RALYL: variants seen among roughly 807,000 people sequenced by gnomAD.
RALYL encodes the protein RNA-binding Raly-like protein.
In RALYL, 29 loss-of-function variants were observed where a neutral mutation model predicts 35.1. That is an observed-to-expected ratio of 0.83 (90% CI 0.61 to 1.13). The LOEUF (loss-of-function observed/expected upper bound fraction) is 1.13. Among genes scored for constraint, RALYL ranks in the 50% most tolerant of loss-of-function variants. The pLI is 0.00. For synonymous variants in RALYL, 120 were observed against 127.6 expected, an observed-to-expected ratio of 0.94 and a Z score of 0.40; for missense variants, 359 against 360.4, an observed-to-expected ratio of 1.00 and a Z score of 0.03.
At chr8:84,766,135 G>A (rs761389348) in intron 2 of RALYL, among the ~76,000 whole-genome samples, 8 of 152,002 alleles carry the variant, frequency 5.3e-5, no homozygotes, top group South Asian at 4.1e-4. Context: ...TGAATCCATG[G>A]CAAATAAATA....
Position 84,907,389 on chromosome 8 carries a change from C to T in RALYL, c.859-13505C>T, listed in dbSNP as rs373042310. Among the ~76,000 whole-genome samples, 13 of 151,886 alleles carry T rather than the reference C, an allele frequency of 8.6e-5. No individual in the cohort carries two copies. The East Asian group carries it at 1.2e-3, about 14-fold the overall frequency. The stretch of plus-strand genomic sequence containing the variant: ...AGAGGATTTTTATTTTATTCCAAGT[C>T]AGGAAGAAACGGAAAGAAAACAATA... On this transcript the variant is annotated intron_variant, in intron 8 of 8. Coordinates refer to ENST00000521268, the MANE Select transcript of RALYL (RefSeq NM_173848.7).
chr8:84,707,266 A>G (rs1210545085), intron 2 of RALYL, among the ~76,000 whole-genome samples: 1 of 152,190 alleles, frequency 6.6e-6, no homozygotes, highest in African/African-American at 2.4e-5. Context: ...AATATATGAT[A>G]ACTGCTACTT....
At chr8:84,426,473 T>TGTGTGGGGGGG (rs781271546) in intron 1 of RALYL, among the ~76,000 whole-genome samples, 3 of 149,030 alleles carry the variant, frequency 2.0e-5, no homozygotes, top group Non-Finnish European at 4.5e-5. Flanking sequence ...TGTGTGTGTG[T>TGTGTGGGGGGG]GGGTTTAGAT....
chr8:84,485,422 A>G (rs1437769792), intron 1 of RALYL, among the ~76,000 whole-genome samples: 1 of 152,126 alleles, frequency 6.6e-6, no homozygotes, highest in Non-Finnish European at 1.5e-5. Flanking sequence ...TCTATTAAAA[A>G]TGTGAAAATT....
chr8:84,719,095 T>C lies in RALYL; in HGVS notation c.257-55484T>C, dbSNP rs530794335. Among the ~76,000 whole-genome samples the C allele has an allele frequency of 8.1e-4, 124 of 152,292 alleles. 1 individual carries two copies. In the South Asian group the frequency reaches 0.024, roughly 30 times the overall value. ...CTGCTGGTGGCTGGTAGAGTTTATCTTTGTTATGGATTCCTCTGTAACCTG... is the reference window on the plus strand; with the variant it reads ...CTGCTGGTGGCTGGTAGAGTTTATCCTTGTTATGGATTCCTCTGTAACCTG... On this transcript the variant is annotated intron_variant, in intron 2 of 8. Transcript: ENST00000521268.
chr8:84,340,526 C>T (rs997537533), intron 1 of RALYL, among the ~76,000 whole-genome samples: 3 of 152,002 alleles, frequency 2.0e-5, no homozygotes, highest in Non-Finnish European at 4.4e-5. Context: ...TAAGTGGAAC[C>T]ATGCAGTATC....
intron 2 of RALYL, among the ~76,000 whole-genome samples, chr8:84,702,796 A>G (rs553083898): frequency 9.7e-4 from 147 of 152,262 alleles, no homozygotes; most frequent in African/African-American, 3.5e-3. Context: ...TTGATTTTTA[A>G]TGAGAATTAA....
chr8:84,191,720 TGA>T (rs1244800836), intron 1 of RALYL, among the ~76,000 whole-genome samples: 4 of 152,182 alleles, frequency 2.6e-5, no homozygotes, highest in African/African-American at 7.2e-5. Flanking sequence ...TTGTAAACGT[TGA>T]GTAAAGTAAA....
intron 1 of RALYL, among the ~76,000 whole-genome samples, chr8:84,219,148 T>C (rs1417893926): frequency 1.3e-5 from 2 of 152,068 alleles, no homozygotes; most frequent in African/African-American, 4.8e-5. Flanking sequence ...CCCACCCAAA[T>C]TTCATCTTGA....
Position 84,667,511 on chromosome 8 carries a change from G to T in RALYL, c.257-107068G>T, listed in dbSNP as rs372499804. On this transcript the variant is annotated intron_variant, in intron 2 of 8. Transcript: ENST00000521268. ...TGGGTATAGGAAAATCAAGATAAAG[G>T]CTTGCTTCTTTATCAGTTTTCAAAA... Among the ~76,000 whole-genome samples the T allele has an allele frequency of 2.0e-5, 3 of 152,194 alleles. No homozygotes were observed. In the East Asian group the frequency reaches 5.8e-4, roughly 29 times the overall value.
intron 1 of RALYL, among the ~76,000 whole-genome samples, chr8:84,353,337 T>C (rs1370977247): frequency 6.6e-6 from 1 of 150,386 alleles, no homozygotes; most frequent in Non-Finnish European, 1.5e-5. Context: ...ACTTTCCATC[T>C]CCTACTAGCT....
At chr8:84,203,411 A>T (rs1817366614) in intron 1 of RALYL, among the ~76,000 whole-genome samples, 1 of 151,936 alleles carries the variant, frequency 6.6e-6, no homozygotes, top group Non-Finnish European at 1.5e-5. Context: ...CTTTTATTTA[A>T]TTTACCCATG....
intron 1 of RALYL, among the ~76,000 whole-genome samples, chr8:84,353,714 C>A (rs1318838556): frequency 6.7e-6 from 1 of 150,178 alleles, no homozygotes; most frequent in South Asian, 2.1e-4. Flanking sequence ...TTTTAACCAC[C>A]TAAAAAGGGT....
intron 2 of RALYL, among the ~76,000 whole-genome samples, chr8:84,658,801 T>C (rs1830394235): frequency 6.6e-6 from 1 of 152,066 alleles, no homozygotes; most frequent in South Asian, 2.1e-4. Flanking sequence ...AGGGGACGTA[T>C]TGAAAGAGGA....
At chr8:84,442,544 A>C (rs1282498424) in intron 1 of RALYL, among the ~76,000 whole-genome samples, 1 of 152,140 alleles carries the variant, frequency 6.6e-6, no homozygotes, top group East Asian at 1.9e-4. Flanking sequence ...AGGTGCTTAC[A>C]GTCAAAGATG....
intron 2 of RALYL, among the ~76,000 whole-genome samples, chr8:84,618,768 C>T (rs1389608860): frequency 8.7e-5 from 5 of 57,422 alleles, no homozygotes; most frequent in African/African-American, 2.1e-4. Context: ...GCTTTGAATG[C>T]GTCCCAGAGA....
At position 84,623,754 on chromosome 8, in the gene RALYL, A is replaced by T. The variant is rs1822097973; in HGVS notation, c.256+94177A>T. The stretch of plus-strand genomic sequence containing the variant: ...ATAGTTACCCTTTCACATGATGAGG[A>T]CTATCACAAATATGCTGTGGGAAAA... On this transcript the variant is annotated intron_variant, in intron 2 of 8. Coordinates refer to ENST00000521268, the MANE Select transcript of RALYL (RefSeq NM_173848.7). Among the ~76,000 whole-genome samples the T allele has an allele frequency of 2.0e-5, 3 of 152,266 alleles. No homozygotes were observed. The South Asian group carries it at 6.2e-4, about 32-fold the overall frequency.
At chr8:84,682,942 A>C (rs1190203062) in intron 2 of RALYL, among the ~76,000 whole-genome samples, 1 of 151,892 alleles carries the variant, frequency 6.6e-6, no homozygotes, top group Non-Finnish European at 1.5e-5. Flanking sequence ...TTAGGGTGTC[A>C]ATTTTAGATC....
At chr8:84,882,824 A>AAAGTT (rs3068141) in intron 7 of RALYL, among the ~76,000 whole-genome samples, 66,935 of 151,438 alleles carry the variant, frequency 0.44, 17,150 homozygotes, top group East Asian at 0.71. Context: ...AGAATTGTAT[A>AAAGTT]AAGAACGAAC....
Sources: allele counts gnomAD v4.1 joint callset (sites outside exome capture counted in the v4.1 genomes callset), GRCh38; gene constraint gnomAD v4.1.1; transcripts MANE v1.5; gene names NCBI Gene and HGNC (gene_info 2026-07-23, HGNC 2026-07-21).